Variants in SIPA1L1 observed in about 807,000 individuals in gnomAD.
SIPA1L1 encodes the protein signal-induced proliferation-associated 1-like protein 1.
In SIPA1L1, 26 loss-of-function variants were observed where a neutral mutation model predicts 162.7. That is an observed-to-expected ratio of 0.16 (90% CI 0.12 to 0.22). The LOEUF is 0.22. Among genes scored for constraint, SIPA1L1 ranks in the 10% least tolerant of loss-of-function variants. The pLI is 1.00. For missense variants in SIPA1L1, 1,874 were observed against 2,241.0 expected, an observed-to-expected ratio of 0.84 and a Z score of 3.31; for synonymous variants, 829 against 837.4, an observed-to-expected ratio of 0.99 and a Z score of 0.17.
At chr14:71,521,260 G>A (rs753651226) in intron 3 of SIPA1L1, among the ~76,000 whole-genome samples, 2 of 152,144 alleles carry the variant, frequency 1.3e-5, no homozygotes, top group Admixed American at 6.5e-5. Context: ...TAAGTTTTAC[G>A]TGACACAGGA....
rs748175055 is a variant in SIPA1L1, at chr14:71,735,291, T to G, written c.5023T>G (p.Phe1675Val). The change falls in exon 22 of 24, where the codon TTT becomes GTT. Residue 1675 changes from phenylalanine (F) to valine (V), a missense_variant. By Grantham distance (50) the Phe-to-Val change is conservative. Around this residue, in one of 5 missense-constraint regions of SIPA1L1, gnomAD observed 936 missense variants for 1,051.9 expected, o/e 0.89. Coordinates refer to ENST00000381232, the MANE Select transcript of SIPA1L1 (RefSeq NM_001386936.1). ...AKAYEVQRAS[F>V]FAASDENHRP... ...CTCCTTTCCAGTCCAGAGAGCCTCA[T>G]TTTTTGCTGCTAGTGATGAAAACCA... 6.2e-7 allele frequency: 1 copy of G among 1,613,470 alleles called. No individual in the cohort carries two copies.
chr14:71,485,450 A>G (rs948906203), intron 2 of SIPA1L1, among the ~76,000 whole-genome samples: 11 of 152,092 alleles, frequency 7.2e-5, no homozygotes, highest in African/African-American at 2.4e-4. Flanking sequence ...CAGTGGTGGC[A>G]TTAGATTCTT....
chr14:71,515,071 T>C (rs1417017408), intron 3 of SIPA1L1, among the ~76,000 whole-genome samples: 2 of 152,262 alleles, frequency 1.3e-5, no homozygotes, highest in Non-Finnish European at 2.9e-5. Context: ...ATGAAAGTTA[T>C]GATTTGAGCC....
Position 71,600,568 on chromosome 14 carries a change from G to A in SIPA1L1, c.1498+11198G>A, listed in dbSNP as rs541965736. Among the ~76,000 whole-genome samples the A allele has an allele frequency of 3.1e-3, 471 of 152,080 alleles. 3 individuals are homozygous for A. The highest frequency in any genetic ancestry group is 0.016 in the South Asian group (75 of 4,822). ...CATTCTTTTTGCTCTGGATTGTTTCGTCTCTTCTGCCTCTTTTTTGGTTCC... is the reference window on the plus strand; with the variant it reads ...CATTCTTTTTGCTCTGGATTGTTTCATCTCTTCTGCCTCTTTTTTGGTTCC... On this transcript the variant is annotated intron_variant, in intron 5 of 23. Transcript: ENST00000381232.
intron 4 of SIPA1L1, among the ~76,000 whole-genome samples, chr14:71,537,350 G>A (rs975088250): frequency 1.3e-5 from 2 of 152,058 alleles, no homozygotes; most frequent in Non-Finnish European, 2.9e-5. Context: ...ACAGGCGTGT[G>A]CCACCAGGCC....
chr14:71,479,102 G>C (rs984318035), intron 2 of SIPA1L1, among the ~76,000 whole-genome samples: 2 of 152,092 alleles, frequency 1.3e-5, no homozygotes, highest in African/African-American at 4.8e-5. Context: ...TTGAGTCCAG[G>C]CTGGTGATTT....
chr14:71,356,610 C>A (rs1362237734), intron 2 of SIPA1L1, among the ~76,000 whole-genome samples: 1 of 135,982 alleles, frequency 7.4e-6, no homozygotes, highest in African/African-American at 2.8e-5. Flanking sequence ...TCCTAGCTAC[C>A]AGGGAGGCTG....
chr14:71,542,655 T>TCCTCCTCCTC (rs2054558609), intron 4 of SIPA1L1, among the ~76,000 whole-genome samples: 1 of 81,378 alleles, frequency 1.2e-5, no homozygotes, highest in South Asian at 5.2e-4. Flanking sequence ...TTTCTTCCCC[T>TCCTCCTCCTC]CCTCCTCCTC....
rs1412356123 is a variant in SIPA1L1, at chr14:71,588,578, C to A, written c.706C>A (p.Arg236=). ...GGGCTACAAAGATGACAAATCTGAT[C>A]GAGGTCCAACTCCAACCAAGCTCAG... ...LKGYKDDKSD[R]GPTPTKLSDF... The change falls in exon 5 of 24, where the codon CGA becomes AGA. Residue 236 remains arginine, a synonymous_variant. Transcript: ENST00000381232. The surrounding 1 kb of genome is among the most constrained non-coding windows in gnomAD (Gnocchi z 4.3). 6.2e-7 allele frequency: 1 copy of A among 1,613,966 alleles called. No homozygotes were observed. Among genetic ancestry groups the A allele is most frequent in the Non-Finnish European group, 8.5e-7 (1 of 1,179,976 alleles).
chr14:71,672,272 A>G (rs1168693914), intron 11 of SIPA1L1, 76 bp from the exon 12 acceptor site: 17 of 1,469,790 alleles, frequency 1.2e-5, no homozygotes, highest in Non-Finnish European at 1.5e-5. Flanking sequence ...CCTGCTTGCA[A>G]TGATTTTCCA....
intron 2 of SIPA1L1, among the ~76,000 whole-genome samples, chr14:71,387,248 C>CAAAAAAAAA (rs398025583): frequency 3.3e-4 from 18 of 53,854 alleles, no homozygotes; most frequent in Non-Finnish European, 4.5e-4. Flanking sequence ...AACTCTGTCT[C>CAAAAAAAAA]AAAAAAAAAA....
intron 2 of SIPA1L1, among the ~76,000 whole-genome samples, chr14:71,352,529 A>G (rs2036823697): frequency 6.6e-6 from 1 of 152,168 alleles, no homozygotes; most frequent in Non-Finnish European, 1.5e-5. Flanking sequence ...TTCTTTTACC[A>G]ACATTGATTT....
At chr14:71,523,183 C>T (rs1178542657) in intron 3 of SIPA1L1, among the ~76,000 whole-genome samples, 2 of 151,576 alleles carry the variant, frequency 1.3e-5, no homozygotes, top group African/African-American at 4.9e-5. Flanking sequence ...TTTACAGTCC[C>T]TTATTTGCTC....
intron 22 of SIPA1L1, among the ~76,000 whole-genome samples, chr14:71,735,778 G>T (rs1431472982): frequency 6.6e-6 from 1 of 152,106 alleles, no homozygotes; most frequent in African/African-American, 2.4e-5. Flanking sequence ...ACATGCGCTT[G>T]CTGAGTCCTA....
intron 2 of SIPA1L1, among the ~76,000 whole-genome samples, chr14:71,411,533 G>A (rs1340027970): frequency 1.3e-5 from 2 of 152,172 alleles, no homozygotes; most frequent in East Asian, 1.9e-4. Context: ...CTGATTTCAC[G>A]GGCACCTTGA....
chr14:71,569,006 C>G (rs781705814), intron 4 of SIPA1L1, among the ~76,000 whole-genome samples: 1 of 152,168 alleles, frequency 6.6e-6, no homozygotes, highest in Non-Finnish European at 1.5e-5. Flanking sequence ...TATGTTTTTG[C>G]ATATGTCAAA....
At chr14:71,500,035 A>C (rs926905174) in intron 2 of SIPA1L1, among the ~76,000 whole-genome samples, 6 of 152,190 alleles carry the variant, frequency 3.9e-5, no homozygotes, top group Admixed American at 2.6e-4. Flanking sequence ...TATTATAAAC[A>C]TGCTAATATT....
At chr14:71,598,572 C>A (rs986483628) in intron 5 of SIPA1L1, among the ~76,000 whole-genome samples, 3 of 152,112 alleles carry the variant, frequency 2.0e-5, no homozygotes, top group Non-Finnish European at 2.9e-5. Flanking sequence ...CTGTCAAGGT[C>A]ATGGAAGACA....
intron 7 of SIPA1L1, among the ~76,000 whole-genome samples, chr14:71,636,520 A>T (rs2041166370): frequency 6.6e-6 from 1 of 152,218 alleles, no homozygotes; most frequent in African/African-American, 2.4e-5. Context: ...ACAACATATG[A>T]AACTTTGTGG....
Sources: gnomAD v4.1 joint callset for allele counts (sites outside exome capture counted in the v4.1 genomes callset) on GRCh38, gnomAD v4.1.1 for gene constraint, gnomAD v4.1.1 regional missense constraint, Gnocchi (gnomAD v3.1) non-coding constraint, MANE v1.5 for transcripts, NCBI Gene and HGNC (gene_info 2026-07-23, HGNC 2026-07-21) for gene names.